AIG1: variants seen among roughly 807,000 people sequenced by gnomAD.
AIG1 encodes androgen induced 1, also known as androgen-induced gene 1 protein.
AIG1 carries 23 observed loss-of-function variants against 31.4 expected under a neutral mutation model. The ratio of observed to expected loss-of-function variants is 0.73; its 90% CI spans 0.53 to 1.04. AIG1 has a LOEUF of 1.04. Among genes scored for constraint, AIG1 ranks in the 50% least tolerant of loss-of-function variants. The pLI, the probability that AIG1 is intolerant of heterozygous loss-of-function variation, is 0.00. For missense variants in AIG1, 274 were observed against 295.0 expected (o/e 0.93, Z 0.52); for synonymous variants, 100 against 110.5 (o/e 0.90, Z 0.60).
In AIG1 at chr6:143,334,332, C is replaced by A. The variant is rs928519035; in HGVS notation, c.679+887C>A. Among the ~76,000 whole-genome samples the A allele has an allele frequency of 1.3e-5, 2 of 152,224 alleles. No homozygotes were observed. Among genetic ancestry groups the A allele is most frequent in the Non-Finnish European group, 2.9e-5 (2 of 68,038 alleles). ...GACTCTGTGACACAGACATTGAGCA[C>A]CCTGCTTTGTGCCAGACACCCTGCC... On this transcript the variant is annotated intron_variant, in intron 5 of 5. Transcript: ENST00000357847. This position sits in a 1 kb window ranked among gnomAD's most constrained non-coding sequence, Gnocchi z 5.1.
chr6:143,202,422 G>A (rs1408574059), intron 3 of AIG1, among the ~76,000 whole-genome samples: 1 of 152,144 alleles, frequency 6.6e-6, no homozygotes, highest in Non-Finnish European at 1.5e-5. Flanking sequence ...AGATAGCCAG[G>A]AGCCAGGGTT....
intron 3 of AIG1, among the ~76,000 whole-genome samples, chr6:143,208,169 A>C (rs1240583752): frequency 6.6e-6 from 1 of 152,182 alleles, no homozygotes; most frequent in African/African-American, 2.4e-5. Context: ...ACAAAAATGA[A>C]TTCTGAAATC....
intron 1 of AIG1, among the ~76,000 whole-genome samples, chr6:143,090,154 A>G (rs1562364367): frequency 6.6e-6 from 1 of 152,196 alleles, no homozygotes; most frequent in Non-Finnish European, 1.5e-5. Flanking sequence ...GGTTCTGGAG[A>G]AAAATCTTTT....
At chr6:143,230,049 C>T (rs1793327363) in intron 3 of AIG1, among the ~76,000 whole-genome samples, 2 of 152,178 alleles carry the variant, frequency 1.3e-5, no homozygotes, top group Admixed American at 6.5e-5. Flanking sequence ...TTCCATTTAC[C>T]CTCAAACGTG....
chr6:143,303,848 C>G (rs982090759), intron 4 of AIG1, among the ~76,000 whole-genome samples: 10 of 147,058 alleles, frequency 6.8e-5, no homozygotes, highest in African/African-American at 2.3e-4. Flanking sequence ...TTGATTCTTC[C>G]TACCCATGAG....
intron 3 of AIG1, among the ~76,000 whole-genome samples, chr6:143,269,429 C>T (rs1209077375): frequency 1.3e-5 from 2 of 152,176 alleles, no homozygotes; most frequent in Middle Eastern, 3.2e-3. Flanking sequence ...AGTTGAATAT[C>T]TGTGATCATG....
chr6:143,237,977 G>C (rs544887122), intron 3 of AIG1, among the ~76,000 whole-genome samples: 37 of 152,146 alleles, frequency 2.4e-4, no homozygotes, highest in African/African-American at 7.7e-4. Flanking sequence ...ATCTCACTCT[G>C]TCACCTAGGC....
chr6:143,189,754 T>C, intron 3 of AIG1: 1 of 985,194 alleles, frequency 1.0e-6, no homozygotes, highest in Non-Finnish European at 1.2e-6. Flanking sequence ...AGCCCTCTTA[T>C]ATTAATATGA....
chr6:143,195,855 AG>A (rs1419478304), intron 3 of AIG1, among the ~76,000 whole-genome samples: 1 of 152,224 alleles, frequency 6.6e-6, no homozygotes, highest in Non-Finnish European at 1.5e-5. Flanking sequence ...AGAAGAAAAG[AG>A]GAGCCTTGCC....
intron 1 of AIG1, 108 bp from the exon 2 acceptor site, chr6:143,136,726 CT>C: frequency 9.5e-7 from 1 of 1,055,782 alleles, no homozygotes; most frequent in Non-Finnish European, 1.3e-6. Context: ...AAATATGCTT[CT>C]GATCCTTTCT....
chr6:143,128,353 G>A (rs1562404118), intron 1 of AIG1, among the ~76,000 whole-genome samples: 1 of 152,202 alleles, frequency 6.6e-6, no homozygotes, highest in African/African-American at 2.4e-5. Flanking sequence ...AAACAGTAGA[G>A]AAGATTTTAG....
At chr6:143,241,928 A>T (rs183509702) in intron 3 of AIG1, among the ~76,000 whole-genome samples, 12 of 152,258 alleles carry the variant, frequency 7.9e-5, no homozygotes, top group African/African-American at 2.9e-4. Flanking sequence ...AAATAAATGA[A>T]TTTCATGTTT....
Position 143,279,440 on chromosome 6 carries a change from T to A in AIG1, c.400-4670T>A, listed in dbSNP as rs1363446384. 1.3e-5 allele frequency among the ~76,000 whole-genome samples: 2 copies of A among 152,244 alleles called. No individual in the cohort carries two copies. Among genetic ancestry groups the A allele is most frequent in the Non-Finnish European group, 2.9e-5 (2 of 68,036 alleles). On this transcript the variant is annotated intron_variant, in intron 3 of 5. Coordinates refer to ENST00000357847, the MANE Select transcript of AIG1 (RefSeq NM_016108.4). The surrounding 1 kb of genome is among the most constrained non-coding windows in gnomAD (Gnocchi z 5.4). ...ATGCCAGCCTCCTAATCTTTCCACTTCATTACACTGCTGTCTTCCTTTGAG... is the reference window on the plus strand; with the variant it reads ...ATGCCAGCCTCCTAATCTTTCCACTACATTACACTGCTGTCTTCCTTTGAG...
chr6:143,068,458 G>C (rs1776929350), intron 1 of AIG1, among the ~76,000 whole-genome samples: 1 of 152,232 alleles, frequency 6.6e-6, no homozygotes, highest in Non-Finnish European at 1.5e-5. Flanking sequence ...TTCTTGGAAA[G>C]TGAGACACCA....
intron 4 of AIG1, among the ~76,000 whole-genome samples, chr6:143,312,299 G>T (rs1775349737): frequency 6.6e-6 from 1 of 152,008 alleles, no homozygotes; most frequent in Non-Finnish European, 1.5e-5. Flanking sequence ...CACATTACAT[G>T]ACTTCAAATT....
At position 143,334,653 on chromosome 6, in the gene AIG1, TC is replaced by T. The variant is rs1777341141; in HGVS notation, c.679+1209del. ...CCTGTTCAATGGAAATAGTGATCTT[TC>T]TCCATTAATTTACAGAAGTATTTAG... On this transcript the variant is annotated intron_variant, in intron 5 of 5. Transcript: ENST00000357847. This position sits in a 1 kb window ranked among gnomAD's most constrained non-coding sequence, Gnocchi z 5.1. 6.6e-6 allele frequency among the ~76,000 whole-genome samples: 1 copy of T among 152,240 alleles called. No individual in the cohort carries two copies. The highest frequency in any genetic ancestry group is 1.5e-5 in the Non-Finnish European group (1 of 68,032).
intron 3 of AIG1, among the ~76,000 whole-genome samples, chr6:143,282,549 A>G (rs1797406887): frequency 6.6e-6 from 1 of 152,232 alleles, no homozygotes; most frequent in Admixed American, 6.5e-5. Context: ...GACTTTCTTC[A>G]GAGCTAATTA....
intron 5 of AIG1, chr6:143,335,279 A>G: frequency 2.1e-6 from 1 of 477,478 alleles, no homozygotes; most frequent in East Asian, 3.9e-5. Flanking sequence ...CATGCCTGTA[A>G]TCCCGGCACT....
intron 1 of AIG1, among the ~76,000 whole-genome samples, chr6:143,118,572 G>C (rs1781947942): frequency 6.6e-6 from 1 of 152,004 alleles, no homozygotes; most frequent in African/African-American, 2.4e-5. Flanking sequence ...AGTTTTTCTA[G>C]GTTAAAGATG....
Sources: allele counts gnomAD v4.1 joint callset (sites outside exome capture counted in the v4.1 genomes callset), GRCh38; gene constraint gnomAD v4.1.1; non-coding constraint Gnocchi (gnomAD v3.1); transcripts MANE v1.5; gene names NCBI Gene and HGNC (gene_info 2026-07-23, HGNC 2026-07-21).